Variants in AKAP6 observed in about 807,000 individuals in gnomAD.
The protein encoded by AKAP6 is A-kinase anchoring protein 6.
In AKAP6, 58 loss-of-function variants were observed where a neutral mutation model predicts 188.5. The observed-to-expected ratio is 0.31, with a 90% CI of 0.25 to 0.38. AKAP6 has a LOEUF of 0.38. Among genes scored for constraint, AKAP6 ranks in the 10% least tolerant of loss-of-function variants. The pLI, the probability that AKAP6 is intolerant of heterozygous loss-of-function variation, is 1.00. For missense variants in AKAP6, 2,710 were observed against 2,740.0 expected (o/e 0.99, Z 0.24); for synonymous variants, 989 against 998.6 (o/e 0.99, Z 0.18).
At chr14:32,603,709 G>C (rs977829970) in intron 7 of AKAP6, among the ~76,000 whole-genome samples, 2 of 152,050 alleles carry the variant, frequency 1.3e-5, no homozygotes, top group African/African-American at 4.8e-5. Flanking sequence ...GCAAACAATT[G>C]GCATCAACTG....
intron 11 of AKAP6, among the ~76,000 whole-genome samples, chr14:32,754,932 CTT>C (rs2032276599): frequency 6.6e-6 from 1 of 152,130 alleles, no homozygotes; most frequent in Non-Finnish European, 1.5e-5. Context: ...AATATTCTCT[CTT>C]TGTCTTTGAC....
rs564294853 is a variant in AKAP6, at chr14:32,705,742, G to T, written c.3000+9632G>T. Among the ~76,000 whole-genome samples the T allele has an allele frequency of 1.1e-4, 17 of 152,258 alleles. No homozygotes were observed. In the South Asian group the frequency reaches 3.5e-3, roughly 32 times the overall value. ...ATGCCCCAAATCTCAGAGGCTTAAA[G>T]CTGCAAAGATTTATTTCTCATGCAT... On this transcript the variant is annotated intron_variant, in intron 9 of 13. Transcript: ENST00000280979.
chr14:32,665,487 TCCCATGCCCTTCCTGGGCGTGTCAC>T, intron 7 of AKAP6, among the ~76,000 whole-genome samples: 1 of 152,130 alleles, frequency 6.6e-6, no homozygotes, highest in South Asian at 2.1e-4. Flanking sequence ...GGCACAGGGC[TCCCATGCCCTTCCTGGGCGTGTCAC>T]CCTCCAGTAA....
At position 32,734,610 on chromosome 14, in the gene AKAP6, C is replaced by T. The variant is rs1594893422; in HGVS notation, c.3148-1048C>T. 2.6e-5 allele frequency: 4 copies of T among 152,062 alleles called. No homozygotes were observed. The South Asian group carries it at 8.3e-4, about 32-fold the overall frequency. 9.4% of individuals were successfully genotyped at this position (152,062 alleles called of 1,614,324 possible). A position where few individuals can be genotyped will look rare whatever the true frequency, so the allele number is the denominator to read the frequency against. On this transcript the variant is annotated intron_variant, in intron 10 of 13. Coordinates refer to ENST00000280979, the MANE Select transcript of AKAP6 (RefSeq NM_004274.5). ...GTGGCAATAAATTCTTTTTTGTGAC[C>T]CTACCCTCCAAGGGCATTGATTTCA...
At chr14:32,444,907 GGAGAGA>G (rs1471018230) in intron 2 of AKAP6, among the ~76,000 whole-genome samples, 4 of 152,218 alleles carry the variant, frequency 2.6e-5, no homozygotes, top group African/African-American at 4.8e-5. Flanking sequence ...GGCATGATGA[GGAGAGA>G]GATTGTCACT....
At chr14:32,478,654 G>A (rs116902772) in intron 2 of AKAP6, among the ~76,000 whole-genome samples, 1,741 of 152,302 alleles carry the variant, frequency 0.011, 15 homozygotes, top group East Asian at 0.026. Flanking sequence ...GGGGAAAGAA[G>A]GTGAACATTC....
At chr14:32,754,572 A>G (rs931821652) in intron 11 of AKAP6, among the ~76,000 whole-genome samples, 3 of 152,038 alleles carry the variant, frequency 2.0e-5, no homozygotes, top group Non-Finnish European at 2.9e-5. Context: ...TCTGAATTTG[A>G]CTTTATCTTT....
At chr14:32,829,242 T>A (rs1342690596) in intron 13 of AKAP6, among the ~76,000 whole-genome samples, 1 of 152,214 alleles carries the variant, frequency 6.6e-6, no homozygotes, top group African/African-American at 2.4e-5. Flanking sequence ...CACAATGCTG[T>A]ATGTACCTTA....
chr14:32,628,302 A>T (rs1411799551), intron 7 of AKAP6, among the ~76,000 whole-genome samples: 2 of 152,132 alleles, frequency 1.3e-5, no homozygotes, highest in Non-Finnish European at 2.9e-5. Context: ...TATTTAAATG[A>T]TATTAACTTC....
chr14:32,682,995 C>CTTTTTTTTTTTTTTTTTTTTTTTTTT (rs71115090), intron 8 of AKAP6, among the ~76,000 whole-genome samples: 10 of 142,248 alleles, frequency 7.0e-5, no homozygotes, highest in East Asian at 6.7e-4. Flanking sequence ...TTTTTTCTTC[C>CTTTTTTTTTTTTTTTTTTTTTTTTTT]TTTTTTTTTT....
At chr14:32,751,689 A>AT (rs2032147598) in intron 11 of AKAP6, among the ~76,000 whole-genome samples, 1 of 151,010 alleles carries the variant, frequency 6.6e-6, no homozygotes, top group Admixed American at 6.6e-5. Flanking sequence ...AAAAAAATCT[A>AT]TTTTTATTTT....
At chr14:32,726,253 G>A (rs2030868439) in intron 9 of AKAP6, 1 of 949,286 alleles carries the variant, frequency 1.1e-6, no homozygotes, top group African/African-American at 1.8e-5. Context: ...TAATATTTGA[G>A]TGATTCTTCT....
At position 32,804,641 on chromosome 14, in the gene AKAP6, C is replaced by T. The variant is rs531039369; in HGVS notation, c.3589-16761C>T. 2.0e-4 allele frequency among the ~76,000 whole-genome samples: 31 copies of T among 152,234 alleles called. No individual in the cohort carries two copies. In the South Asian group the frequency reaches 4.8e-3, roughly 23 times the overall value. ...ATCTTAAACAACAGAAAACAGAGTT[C>T]GAGAGCAGAGAACCGGTCTGACCAC... is the stretch of plus-strand genomic sequence containing the variant. On this transcript the variant is annotated intron_variant, in intron 12 of 13. Transcript: ENST00000280979.
At chr14:32,735,917 C>G in intron 11 of AKAP6, 35 bp downstream of exon 11, 1 of 1,485,242 alleles carries the variant, frequency 6.7e-7, no homozygotes, top group Non-Finnish European at 9.2e-7. Context: ...ATAAAAAGCT[C>G]TTTTTATGGT....
At chr14:32,521,449 G>A (rs1393996642) in intron 2 of AKAP6, among the ~76,000 whole-genome samples, 1 of 152,162 alleles carries the variant, frequency 6.6e-6, no homozygotes, top group Admixed American at 6.5e-5. Context: ...CATCATCTCA[G>A]CCTAAAATCT....
intron 12 of AKAP6, among the ~76,000 whole-genome samples, chr14:32,813,920 A>G (rs957505820): frequency 1.4e-5 from 2 of 147,294 alleles, no homozygotes; most frequent in Non-Finnish European, 3.0e-5. Flanking sequence ...TAGAGTTGAG[A>G]TGGGCTACTG....
Position 32,822,247 on chromosome 14 carries a change from C to A in AKAP6, c.4434C>A (p.Leu1478=). 1 of 1,613,858 alleles carries A rather than the reference C, an allele frequency of 6.2e-7. No individual in the cohort carries two copies. Among genetic ancestry groups the A allele is most frequent in the Non-Finnish European group, 8.5e-7 (1 of 1,179,910 alleles). Residue 1478 remains leucine, a synonymous_variant, in exon 13 of 14, where the codon CTC becomes CTA. Transcript: ENST00000280979. ...ACTCATACCTCCAAGGCTCAAAACT[C>A]AAATTACCAATGATAATGAAACAGT... ...YDYSYLQGSK[L]KLPMIMKQSQ...
chr14:32,448,193 C>G (rs1254384592), intron 2 of AKAP6, among the ~76,000 whole-genome samples: 2 of 152,200 alleles, frequency 1.3e-5, no homozygotes, highest in Non-Finnish European at 2.9e-5. Context: ...CAATGCCTCC[C>G]TTTCCTGGGT....
chr14:32,817,739 G>A (rs2034423467), intron 12 of AKAP6, among the ~76,000 whole-genome samples: 1 of 152,018 alleles, frequency 6.6e-6, no homozygotes, highest in Non-Finnish European at 1.5e-5. Flanking sequence ...TCAAAGACAG[G>A]AACATTGTGC....
Sources: allele counts gnomAD v4.1 joint callset (sites outside exome capture counted in the v4.1 genomes callset), GRCh38; gene constraint gnomAD v4.1.1; transcripts MANE v1.5; gene names NCBI Gene and HGNC (gene_info 2026-07-23, HGNC 2026-07-21).